ANKRD11: variants seen among roughly 807,000 people sequenced by gnomAD.
ANKRD11 encodes the protein ankyrin repeat domain-containing protein 11.
ANKRD11 carries 17 observed loss-of-function variants against 195.7 expected under a neutral mutation model. That is an observed-to-expected ratio of 0.09 (90% CI 0.06 to 0.13). The LOEUF is 0.13. ANKRD11 is among the 10% of genes least tolerant of loss of function. The probability of loss-of-function intolerance (pLI) is 1.00; values close to 1 mark genes in which losing one functional copy is unlikely to be tolerated. For synonymous variants in ANKRD11, 1,953 were observed against 1,528.1 expected (o/e 1.28, Z -6.49); for missense variants, 3,735 against 3,566.1 (o/e 1.05, Z -1.21).
At chr16:89,286,585 G>T (rs2034664382) in intron 7 of ANKRD11, 1 of 1,032,448 alleles carries the variant, frequency 9.7e-7, no homozygotes. Context: ...GGTCGTGGAG[G>T]GCTCAGGCAA....
chr16:89,276,363 A>G (rs2033651043), intron 9 of ANKRD11, among the ~76,000 whole-genome samples: 1 of 152,196 alleles, frequency 6.6e-6, no homozygotes, highest in Non-Finnish European at 1.5e-5. Flanking sequence ...GGGCTGAGAG[A>G]AACAGCCTCA....
At chr16:89,484,769 G>A (rs1224159357) in intron 1 of ANKRD11, among the ~76,000 whole-genome samples, 1 of 152,108 alleles carries the variant, frequency 6.6e-6, no homozygotes. Flanking sequence ...ATTTTACCAT[G>A]ACAAAAGAAA....
At chr16:89,352,222 T>C (rs1269207516) in intron 2 of ANKRD11, among the ~76,000 whole-genome samples, 2 of 151,908 alleles carry the variant, frequency 1.3e-5, no homozygotes, top group Non-Finnish European at 2.9e-5. Flanking sequence ...GAGACACGTT[T>C]CCCTAGGGAT....
chr16:89,278,461 G>A, intron 9 of ANKRD11: 1 of 451,126 alleles, frequency 2.2e-6, no homozygotes, highest in South Asian at 1.6e-5. Flanking sequence ...GGGGGAGTGG[G>A]GGTGATTCCG....
chr16:89,447,229 T>C (rs577824982), intron 1 of ANKRD11, among the ~76,000 whole-genome samples: 1 of 152,260 alleles, frequency 6.6e-6, no homozygotes, highest in Non-Finnish European at 1.5e-5. Context: ...ATTGCTGCCC[T>C]GTCTCCTACT....
rs536795143 is a variant in ANKRD11 at position 89,359,328 on chromosome 16, A to G, written c.-59-42250T>C. Among the ~76,000 whole-genome samples the G allele has an allele frequency of 2.6e-5, 4 of 152,270 alleles. No individual in the cohort carries two copies. In the East Asian group the frequency reaches 7.7e-4, roughly 29 times the overall value. ...AAATCCCAGAGCAGCCATTTCCCATACAACTCAATCGCACGTACAGCCCTT... is the reference window on the plus strand; with the variant it reads ...AAATCCCAGAGCAGCCATTTCCCATGCAACTCAATCGCACGTACAGCCCTT... On this transcript the variant is annotated intron_variant, in intron 2 of 12. Coordinates refer to ENST00000301030, the MANE Select transcript of ANKRD11 (RefSeq NM_013275.6).
At chr16:89,309,297 G>C (rs1052618338) in intron 3 of ANKRD11, among the ~76,000 whole-genome samples, 9 of 152,324 alleles carry the variant, frequency 5.9e-5, no homozygotes, top group Non-Finnish European at 8.8e-5. Flanking sequence ...ACACTGTGGA[G>C]CAACTGATGT....
At chr16:89,485,614 C>G (rs931641425) in intron 1 of ANKRD11, among the ~76,000 whole-genome samples, 2 of 152,150 alleles carry the variant, frequency 1.3e-5, no homozygotes, top group African/African-American at 4.8e-5. Context: ...AAATCTAAAA[C>G]AAGTCGCAAT....
At position 89,460,767 on chromosome 16, in the gene ANKRD11, C is replaced by T. The variant is rs372752111; in HGVS notation, c.-145+29478G>A. 5.9e-5 allele frequency among the ~76,000 whole-genome samples: 9 copies of T among 152,206 alleles called. No homozygotes were observed. In the South Asian group the frequency reaches 8.3e-4, roughly 14 times the overall value. On this transcript the variant is annotated intron_variant, in intron 1 of 12. Transcript: ENST00000301030. ...TAAGTAAACAAAAATTGAATTTGAC[C>T]TGCAGGGGGTAGTCACAATTGAGGA... is the stretch of plus-strand genomic sequence containing the variant.
chr16:89,339,899 C>T (rs1258420060), intron 2 of ANKRD11: 4 of 152,192 alleles, frequency 2.6e-5, no homozygotes, highest in South Asian at 2.1e-4. Context: ...CAAAGCCGGC[C>T]GCTGTCTTTG....
At chr16:89,382,468 G>A (rs891292475) in intron 2 of ANKRD11, among the ~76,000 whole-genome samples, 1 of 151,980 alleles carries the variant, frequency 6.6e-6, no homozygotes, top group East Asian at 1.9e-4. Context: ...TGGGATCACA[G>A]GTGCGTGCCA....
At chr16:89,434,433 G>A (rs1419848070) in intron 1 of ANKRD11, among the ~76,000 whole-genome samples, 1 of 152,200 alleles carries the variant, frequency 6.6e-6, no homozygotes, top group Non-Finnish European at 1.5e-5. Flanking sequence ...GTCTGAGAAA[G>A]AAAGCCATAA....
At chr16:89,425,272 G>T (rs1031285422) in intron 1 of ANKRD11, among the ~76,000 whole-genome samples, 7 of 152,190 alleles carry the variant, frequency 4.6e-5, no homozygotes, top group African/African-American at 1.2e-4. Context: ...ATTTTAAATG[G>T]TGGGGCCAAG....
At chr16:89,307,302 T>C (rs1024235709) in intron 3 of ANKRD11, among the ~76,000 whole-genome samples, 4 of 152,216 alleles carry the variant, frequency 2.6e-5, no homozygotes, top group African/African-American at 9.6e-5. Flanking sequence ...CCTGGGACCC[T>C]GATACATCTT....
chr16:89,286,311 T>A, intron 7 of ANKRD11, 125 bp from the exon 8 acceptor site: 2 of 1,396,106 alleles, frequency 1.4e-6, no homozygotes, highest in Non-Finnish European at 2.0e-6. Flanking sequence ...CCTCACGGTC[T>A]GAGGGTGTGG....
chr16:89,281,574 C>A lies in ANKRD11; in HGVS notation c.4968G>T (p.Glu1656Asp). The change falls in exon 9 of 13, where the codon GAG becomes GAT. Residue 1656 changes from glutamate to aspartate, a missense_variant. Glu to Asp is a conservative substitution (Grantham distance 45). Coordinates refer to ENST00000301030, the MANE Select transcript of ANKRD11 (RefSeq NM_013275.6). This position sits in a 1 kb window ranked among gnomAD's most constrained non-coding sequence, Gnocchi z 5.5. ...DPPFKDKKLK[E>D]STPIPPAAEN... ...CCGCGGCAGGTGGAATAGGAGTCGACTCTTTGAGCTTTTTGTCTTTAAATG... is the reference window on the plus strand; with the variant it reads ...CCGCGGCAGGTGGAATAGGAGTCGAATCTTTGAGCTTTTTGTCTTTAAATG... 1 of 1,614,172 alleles carries A rather than the reference C, an allele frequency of 6.2e-7. No homozygotes were observed. The highest frequency in any genetic ancestry group is 1.1e-5 in the South Asian group (1 of 91,080).
chr16:89,426,431 G>C (rs1190015891), intron 1 of ANKRD11, among the ~76,000 whole-genome samples: 1 of 151,874 alleles, frequency 6.6e-6, no homozygotes. Flanking sequence ...CGCCGGCCGA[G>C]TTCACAAGCT....
In ANKRD11 at chr16:89,275,202, A is replaced by T; in HGVS notation, c.7471-11T>A. On this transcript the variant is annotated splice_polypyrimidine_tract_variant and intron_variant, in intron 9 of 12. Coordinates refer to ENST00000301030, the MANE Select transcript of ANKRD11 (RefSeq NM_013275.6). ...GGGAGGGGGTGCGATCTACAGGCAA[A>T]AGGTGAGTGTGGGGGGTCAGCTGGG... 6.3e-7 allele frequency: 1 copy of T among 1,599,960 alleles called. No individual in the cohort carries two copies. Among genetic ancestry groups the T allele is most frequent in the East Asian group, 2.2e-5 (1 of 44,516 alleles).
chr16:89,282,345 C>A lies in ANKRD11; in HGVS notation c.4197G>T (p.Ala1399=). 1 of 1,614,172 alleles carries A rather than the reference C, an allele frequency of 6.2e-7. No homozygotes were observed. The highest frequency in any genetic ancestry group is 1.1e-5 in the South Asian group (1 of 91,082). ...SGQYEKDFLE[A]DAYGVSYNMK... ...TGTTGTAAGAAACTCCGTAAGCATC[C>A]GCCTCCAGGAAGTCCTTTTCGTACT... Residue 1399 remains alanine (A), a synonymous_variant, in exon 9 of 13, where the codon GCG becomes GCT. Coordinates refer to ENST00000301030, the MANE Select transcript of ANKRD11 (RefSeq NM_013275.6).
Sources: allele counts gnomAD v4.1 joint callset (sites outside exome capture counted in the v4.1 genomes callset), GRCh38; gene constraint gnomAD v4.1.1; non-coding constraint Gnocchi (gnomAD v3.1); transcripts MANE v1.5; gene names NCBI Gene and HGNC (gene_info 2026-07-23, HGNC 2026-07-21).